The following DNM3 variants were observed in gnomAD, a reference collection of about 807,000 sequenced individuals.
The protein encoded by DNM3 is dynamin 3.
In DNM3, 47 loss-of-function variants were observed where a neutral mutation model predicts 101.6. The observed-to-expected ratio is 0.46, with a 90% confidence interval of 0.37 to 0.59. DNM3 has a LOEUF of 0.59. DNM3 is among the 20% of genes least tolerant of loss of function. The pLI is 0.00. For missense variants in DNM3, 849 were observed against 1,085.7 expected, an observed-to-expected ratio of 0.78 and a Z score of 3.06; for synonymous variants, 385 against 387.9, an observed-to-expected ratio of 0.99 and a Z score of 0.09.
intron 12 of DNM3, among the ~76,000 whole-genome samples, chr1:172,086,474 T>G (rs2053539496): frequency 6.6e-6 from 1 of 152,134 alleles, no homozygotes; most frequent in Non-Finnish European, 1.5e-5. Flanking sequence ...ATGGAACTAT[T>G]GTATAATCTG....
intron 20 of DNM3, 35 bp downstream of exon 20, chr1:172,388,844 G>T (rs200660313): frequency 4.1e-6 from 6 of 1,480,548 alleles, no homozygotes; most frequent in Admixed American, 4.0e-5. Context: ...GGGGTAGTGC[G>T]CCTTGGTTCT....
intron 15 of DNM3, among the ~76,000 whole-genome samples, chr1:172,258,999 T>A (rs1212600255): frequency 6.6e-6 from 1 of 152,108 alleles, no homozygotes; most frequent in African/African-American, 2.4e-5. Flanking sequence ...AATTTTTCTC[T>A]TGACTCAATT....
chr1:172,080,585 CT>C (rs886575192), intron 11 of DNM3, among the ~76,000 whole-genome samples: 2 of 152,170 alleles, frequency 1.3e-5, no homozygotes, highest in African/African-American at 4.8e-5. Context: ...ATCCGCTGAC[CT>C]AGACCACTTG....
At chr1:171,946,396 A>G (rs1361927220) in intron 2 of DNM3, among the ~76,000 whole-genome samples, 1 of 152,214 alleles carries the variant, frequency 6.6e-6, no homozygotes, top group East Asian at 1.9e-4. Flanking sequence ...GAAAGCAGTC[A>G]ACTTTTTTGG....
At chr1:172,028,228 A>G (rs1166629371) in intron 4 of DNM3, among the ~76,000 whole-genome samples, 1 of 152,250 alleles carries the variant, frequency 6.6e-6, no homozygotes, top group Non-Finnish European at 1.5e-5. Flanking sequence ...CTCTCTGACC[A>G]CAGTGCAATC....
At chr1:172,307,140 C>CT (rs1305729479) in intron 15 of DNM3, among the ~76,000 whole-genome samples, 2 of 152,056 alleles carry the variant, frequency 1.3e-5, no homozygotes, top group Non-Finnish European at 2.9e-5. Context: ...TGACAAAGGG[C>CT]TAATATCCAG....
At chr1:171,881,717 T>C (rs1021220510) in intron 1 of DNM3, among the ~76,000 whole-genome samples, 1 of 151,800 alleles carries the variant, frequency 6.6e-6, no homozygotes, top group African/African-American at 2.4e-5. Flanking sequence ...GTGTCTGACT[T>C]TGATGTGCTG....
At chr1:172,313,537 C>T (rs2065169508) in intron 16 of DNM3, among the ~76,000 whole-genome samples, 2 of 152,094 alleles carry the variant, frequency 1.3e-5, no homozygotes, top group Admixed American at 6.6e-5. Context: ...ATAATGTGTG[C>T]CATGGAATGA....
intron 4 of DNM3, among the ~76,000 whole-genome samples, chr1:171,999,933 A>C (rs1313402535): frequency 6.6e-6 from 1 of 152,102 alleles, no homozygotes; most frequent in African/African-American, 2.4e-5. Context: ...TCAGCATGAC[A>C]CTACCGACAG....
chr1:172,400,924 C>A (rs2149111652), intron 20 of DNM3, among the ~76,000 whole-genome samples: 1 of 152,282 alleles, frequency 6.6e-6, no homozygotes, highest in Middle Eastern at 3.4e-3. Context: ...CTCCTAGCCT[C>A]CTTCCAACTC....
At chr1:172,059,950 T>C (rs1413009118) in intron 10 of DNM3, among the ~76,000 whole-genome samples, 1 of 144,836 alleles carries the variant, frequency 6.9e-6, no homozygotes, top group Non-Finnish European at 1.5e-5. Flanking sequence ...GAAAACCCCA[T>C]TGTCTCAGCC....
At chr1:172,235,538 C>G (rs544425935) in intron 14 of DNM3, among the ~76,000 whole-genome samples, 3 of 152,130 alleles carry the variant, frequency 2.0e-5, no homozygotes, top group Admixed American at 2.0e-4. Flanking sequence ...TGTAAAGACA[C>G]AGGCAGACGT....
In DNM3 at chr1:172,364,265, A is replaced by G. The variant is rs2067893591; in HGVS notation, c.1894-14753A>G. Among the ~76,000 whole-genome samples, 12 of 151,932 alleles carry G rather than the reference A, an allele frequency of 7.9e-5. No individual in the cohort carries two copies. In the South Asian group the frequency reaches 2.5e-3, roughly 31 times the overall value. On this transcript the variant is annotated intron_variant, in intron 17 of 20. Transcript: ENST00000627582. ...TGGTTTAGACCAAGATAGACTCTAC[A>G]AGTACAACAGAAACTTATGTTTACA...
chr1:172,101,617 G>A (rs28667807), intron 13 of DNM3, among the ~76,000 whole-genome samples: 16,342 of 152,122 alleles, frequency 0.11, 1,108 homozygotes, highest in East Asian at 0.25. Context: ...TATGAGGTAG[G>A]TACCCCTATT....
At chr1:172,311,087 A>T (rs2065059173) in intron 16 of DNM3, 3 of 152,282 alleles carry the variant, frequency 2.0e-5, no homozygotes, top group Non-Finnish European at 4.4e-5. Flanking sequence ...GAATGAGATA[A>T]TGCAGGGAAA....
intron 14 of DNM3, among the ~76,000 whole-genome samples, chr1:172,180,810 T>C (rs1316034371): frequency 1.3e-5 from 2 of 152,142 alleles, no homozygotes; most frequent in Non-Finnish European, 2.9e-5. Context: ...TGTATATGTA[T>C]GAAAATTTGC....
At chr1:171,995,984 G>C (rs1444162278) in intron 4 of DNM3, among the ~76,000 whole-genome samples, 2 of 152,018 alleles carry the variant, frequency 1.3e-5, no homozygotes, top group African/African-American at 4.8e-5. Flanking sequence ...ATATATGCTT[G>C]GGAAGACAGC....
At chr1:172,392,412 A>C (rs542702131) in intron 20 of DNM3, among the ~76,000 whole-genome samples, 1 of 93,842 alleles carries the variant, frequency 1.1e-5, no homozygotes, top group Admixed American at 1.3e-4. Context: ...CTGTTTGAAA[A>C]TCCAATCCAG....
chr1:172,302,003 T>C (rs1291408248), intron 15 of DNM3, among the ~76,000 whole-genome samples: 1 of 152,084 alleles, frequency 6.6e-6, no homozygotes, highest in Non-Finnish European at 1.5e-5. Flanking sequence ...CCAACTGAGG[T>C]ACCTGGTTTA....
Sources: gnomAD v4.1 joint callset for allele counts (sites outside exome capture counted in the v4.1 genomes callset) on GRCh38, gnomAD v4.1.1 for gene constraint, MANE v1.5 for transcripts, NCBI Gene and HGNC (gene_info 2026-07-23, HGNC 2026-07-21) for gene names.